The following PRSS23 variants were observed in gnomAD, a reference collection of about 807,000 sequenced individuals.
PRSS23 encodes serine protease 23.
PRSS23 carries 25 observed loss-of-function variants against 34.7 expected under a neutral mutation model. That is an observed-to-expected ratio of 0.72 (90% CI 0.53 to 1.01). PRSS23 has a LOEUF of 1.01. Among genes scored for constraint, PRSS23 ranks in the 50% least tolerant of loss-of-function variants. The probability of loss-of-function intolerance (pLI) is 0.00; values close to 1 mark genes in which losing one functional copy is unlikely to be tolerated. For missense variants in PRSS23, 445 were observed against 475.6 expected, an observed-to-expected ratio of 0.94 and a Z score of 0.60; for synonymous variants, 176 against 186.6, an observed-to-expected ratio of 0.94 and a Z score of 0.46.
At chr11:86,830,387 C>T (rs1388535771) in intron 2 of PRSS23, among the ~76,000 whole-genome samples, 1 of 152,100 alleles carries the variant, frequency 6.6e-6, no homozygotes, top group East Asian at 1.9e-4. Context: ...TTCCAGGTGC[C>T]ATCTGTCACC....
chr11:86,819,796 C>G (rs1948240233), intron 1 of PRSS23, among the ~76,000 whole-genome samples: 1 of 152,168 alleles, frequency 6.6e-6, no homozygotes, highest in Non-Finnish European at 1.5e-5. Flanking sequence ...CACAATAACT[C>G]TTTTAAATAT....
chr11:86,884,213 C>G (rs556614585), intron 2 of PRSS23, among the ~76,000 whole-genome samples: 4 of 152,226 alleles, frequency 2.6e-5, no homozygotes, highest in Admixed American at 1.3e-4. Context: ...TTGACTGTTA[C>G]ATCTATCGCC....
At chr11:86,910,116 G>T (rs952031617) in intron 2 of PRSS23, 4 of 152,152 alleles carry the variant, frequency 2.6e-5, no homozygotes, top group Admixed American at 1.3e-4. Context: ...TAAAATACAT[G>T]ATTATACACA....
At chr11:86,830,931 G>T (rs749069377) in intron 2 of PRSS23, among the ~76,000 whole-genome samples, 1 of 152,050 alleles carries the variant, frequency 6.6e-6, no homozygotes, top group Non-Finnish European at 1.5e-5. Flanking sequence ...TAAAGTCACA[G>T]GGGGTTTACA....
upstream of PRSS23, among the ~76,000 whole-genome samples, chr11:86,798,393 A>G (rs1243001155): frequency 1.3e-5 from 2 of 152,332 alleles, no homozygotes; most frequent in South Asian, 2.1e-4. Context: ...AATGTATTAG[A>G]GTCAAGAGAA....
intron 2 of PRSS23, among the ~76,000 whole-genome samples, chr11:86,882,539 C>G (rs1251910135): frequency 6.6e-6 from 1 of 152,018 alleles, no homozygotes; most frequent in Admixed American, 6.6e-5. Flanking sequence ...GGCATGATCT[C>G]GTTTTTTTAA....
At chr11:86,943,627 AAAATAAAAT>A (rs1217950531) in intron 2 of PRSS23, among the ~76,000 whole-genome samples, 1 of 151,712 alleles carries the variant, frequency 6.6e-6, no homozygotes, top group African/African-American at 2.4e-5. Flanking sequence ...CCATCTCAAA[AAAATAAAAT>A]AAAATAAAAT....
At chr11:86,822,620 T>TAAAAA (rs113888066) in intron 1 of PRSS23, among the ~76,000 whole-genome samples, 4 of 102,058 alleles carry the variant, frequency 3.9e-5, no homozygotes, top group African/African-American at 7.1e-5. Flanking sequence ...TGAACCTGAC[T>TAAAAA]AAAAAAAAAA....
chr11:86,821,091 A>G, intron 1 of PRSS23: 1 of 431,012 alleles, frequency 2.3e-6, no homozygotes. Context: ...TATATACAGT[A>G]CATAATTAAT....
chr11:86,820,938 C>T (rs1319232683), intron 1 of PRSS23, among the ~76,000 whole-genome samples: 3 of 152,124 alleles, frequency 2.0e-5, no homozygotes, highest in Non-Finnish European at 2.9e-5. Flanking sequence ...TATTCTAAAA[C>T]CATGAGTGCC....
intron 2 of PRSS23, among the ~76,000 whole-genome samples, chr11:86,859,627 C>G (rs1014815083): frequency 1.3e-5 from 2 of 151,998 alleles, no homozygotes; most frequent in South Asian, 4.2e-4. Context: ...TGGGTATACA[C>G]CACCTTTGTA....
intron 2 of PRSS23, among the ~76,000 whole-genome samples, chr11:86,930,197 AT>A (rs1450645448): frequency 2.0e-5 from 3 of 148,916 alleles, no homozygotes; most frequent in African/African-American, 2.5e-5. Flanking sequence ...AAAAAAAAAA[AT>A]GTGGGGTGGG....
intron 2 of PRSS23, among the ~76,000 whole-genome samples, chr11:86,914,534 G>A (rs1949000096): frequency 6.6e-6 from 1 of 152,154 alleles, no homozygotes; most frequent in Non-Finnish European, 1.5e-5. Context: ...TCATAATCGT[G>A]TATCACACAA....
chr11:86,906,117 A>G (rs1316570486), intron 2 of PRSS23, among the ~76,000 whole-genome samples: 1 of 152,070 alleles, frequency 6.6e-6, no homozygotes, highest in Non-Finnish European at 1.5e-5. Flanking sequence ...TCTCAGGCGC[A>G]CTATTGCCTT....
rs568428789 is a variant in PRSS23 at position 86,809,493 on chromosome 11, T to G, written c.*698T>G. On this transcript the variant is annotated 3_prime_UTR_variant, in exon 2 of 2. Transcript: ENST00000280258. Reference sequence around the variant, plus strand: ...GGTTGTTGCTCTACTTTGTAGGAAGTCTTTGCATATGGCCCTCCCAACTTT... The same window carrying G: ...GGTTGTTGCTCTACTTTGTAGGAAGGCTTTGCATATGGCCCTCCCAACTTT... 1 of 167,100 alleles carries G rather than the reference T, an allele frequency of 6.0e-6. No individual in the cohort carries two copies. 10.4% of individuals were successfully genotyped at this position (167,100 alleles called of 1,614,324 possible).
In PRSS23 at chr11:86,939,426, A is replaced by ATATATTTTTT; in HGVS notation, c.207-11789_207-11788insATATTTTTTT. On this transcript the variant is annotated intron_variant, in intron 2 of 2. Coordinates refer to the PRSS23 transcript ENST00000533902. ...AAAATATATATATATATATATATAT[A>ATATATTTTTT]TTTTTTAACATGAGTAAAAATTGCA... Among the ~76,000 whole-genome samples the ATATATTTTTT allele has an allele frequency of 3.7e-3, 342 of 93,576 alleles. 11 individuals are homozygous for ATATATTTTTT. The highest frequency in any genetic ancestry group is 7.0e-3 in the Middle Eastern group (1 of 142). The allele number at this position is 93,576 out of a possible 152,430, so 61.4% of individuals were successfully genotyped here. A position where few individuals can be genotyped will look rare whatever the true frequency, so the allele number is the denominator to read the frequency against.
intron 2 of PRSS23, among the ~76,000 whole-genome samples, chr11:86,891,104 C>G (rs993478657): frequency 9.2e-5 from 14 of 152,180 alleles, no homozygotes; most frequent in Admixed American, 7.9e-4. Flanking sequence ...CCACCCCCAG[C>G]TCCTCAATTG....
rs535164820 is a variant in PRSS23, at chr11:86,905,859, C to T, written c.207-45357C>T. ...AAAACATGACCCCTTTGCACCAACC[C>T]GCTGTGACCAACACAACGGTGAAAA... On this transcript the variant is annotated intron_variant, in intron 2 of 2. Coordinates refer to the PRSS23 transcript ENST00000533902. Among the ~76,000 whole-genome samples, 11 of 152,250 alleles carry T rather than the reference C, an allele frequency of 7.2e-5. No homozygotes were observed. In the South Asian group the frequency reaches 2.3e-3, roughly 32 times the overall value.
At chr11:86,846,062 A>G (rs1043121928) in intron 2 of PRSS23, among the ~76,000 whole-genome samples, 1 of 152,186 alleles carries the variant, frequency 6.6e-6, no homozygotes, top group Non-Finnish European at 1.5e-5. Context: ...TGAAAAGGCA[A>G]TTGTATAATC....
Sources: gnomAD v4.1 joint callset for allele counts (sites outside exome capture counted in the v4.1 genomes callset) on GRCh38, gnomAD v4.1.1 for gene constraint, MANE v1.5 for transcripts, NCBI Gene and HGNC (gene_info 2026-07-23, HGNC 2026-07-21) for gene names.